ADAM9: variants seen among roughly 807,000 people sequenced by gnomAD.
ADAM9 encodes ADAM metallopeptidase domain 9.
Under a neutral mutation model 108.1 loss-of-function variants are expected in ADAM9, and 54 were observed. That is an observed-to-expected ratio of 0.50 (90% CI 0.40 to 0.63). ADAM9 has a LOEUF of 0.63. Ranked by LOEUF, ADAM9 falls within the 20% of genes least tolerant of loss-of-function variation. ADAM9 has a pLI of 0.00. For missense variants in ADAM9, 830 were observed against 997.7 expected, an observed-to-expected ratio of 0.83 and a Z score of 2.26; for synonymous variants, 316 against 336.0, an observed-to-expected ratio of 0.94 and a Z score of 0.65.
At chr8:39,053,059 T>G (rs1485203933) in intron 12 of ADAM9, among the ~76,000 whole-genome samples, 3 of 152,170 alleles carry the variant, frequency 2.0e-5, no homozygotes, top group African/African-American at 7.2e-5. Flanking sequence ...TCATTGAGGT[T>G]TTAATTTGCA....
At chr8:39,089,880 A>C (rs1234918143) in intron 18 of ADAM9, 167 bp from the exon 19 acceptor site, 20 of 720,114 alleles carry the variant, frequency 2.8e-5, no homozygotes. Context: ...TGAAGGCAGA[A>C]GTAAAGCGGA....
chr8:39,026,167 A>G (rs1309381117), intron 10 of ADAM9, among the ~76,000 whole-genome samples: 1 of 152,192 alleles, frequency 6.6e-6, no homozygotes, highest in Non-Finnish European at 1.5e-5. Context: ...TACATGTGCC[A>G]TGGTGGTTTG....
intron 11 of ADAM9, among the ~76,000 whole-genome samples, chr8:39,038,729 C>G (rs1260346976): frequency 2.6e-5 from 4 of 151,948 alleles, no homozygotes; most frequent in African/African-American, 9.7e-5. Context: ...ATTGATATTG[C>G]ACAAAAGGAC....
intron 5 of ADAM9, 93 bp from the exon 6 acceptor site, chr8:39,017,126 C>A: frequency 7.6e-7 from 1 of 1,315,498 alleles, no homozygotes. Context: ...TGCCTACTTA[C>A]ACATTTAAGA....
intron 3 of ADAM9, among the ~76,000 whole-genome samples, chr8:39,012,758 G>C (rs1564234597): frequency 6.6e-6 from 1 of 152,084 alleles, no homozygotes; most frequent in African/African-American, 2.4e-5. Context: ...AGAACACTTG[G>C]ACACAGGAAG....
At chr8:39,063,805 CT>C (rs1350410058) in intron 14 of ADAM9, among the ~76,000 whole-genome samples, 1 of 152,192 alleles carries the variant, frequency 6.6e-6, no homozygotes, top group African/African-American at 2.4e-5. Context: ...CTCATTTCAA[CT>C]TTCAAGATCC....
intron 14 of ADAM9, among the ~76,000 whole-genome samples, chr8:39,057,234 C>T (rs983142257): frequency 6.6e-6 from 1 of 151,786 alleles, no homozygotes; most frequent in African/African-American, 2.4e-5. Flanking sequence ...ACAAAATCAC[C>T]TAACAACTCA....
intron 14 of ADAM9, among the ~76,000 whole-genome samples, chr8:39,057,333 A>C (rs1256122332): frequency 6.7e-6 from 1 of 148,900 alleles, no homozygotes; most frequent in Non-Finnish European, 1.5e-5. Context: ...CGTGAATCTA[A>C]TATTTATATA....
At position 39,103,592 on chromosome 8, in the gene ADAM9, C is replaced by A. The variant is rs1386555778; in HGVS notation, c.2367-15C>A. 6.2e-7 allele frequency: 1 copy of A among 1,612,450 alleles called. No individual in the cohort carries two copies. Among genetic ancestry groups the A allele is most frequent in the Non-Finnish European group, 8.5e-7 (1 of 1,178,606 alleles). On this transcript the variant is annotated splice_polypyrimidine_tract_variant and intron_variant, in intron 21 of 21. Coordinates refer to ENST00000487273, the MANE Select transcript of ADAM9 (RefSeq NM_003816.3). Reference sequence around the variant, plus strand: ...AGTCTAAACACTCTATTAACTATCTCTTTTCCCCTCGCAGGCCACCTCCAC... The same window carrying A: ...AGTCTAAACACTCTATTAACTATCTATTTTCCCCTCGCAGGCCACCTCCAC...
chr8:39,101,733 C>A, intron 20 of ADAM9, 130 bp from the exon 21 acceptor site: 1 of 804,246 alleles, frequency 1.2e-6, no homozygotes. Context: ...TCTTCTGGTT[C>A]TAAGCATTTC....
rs1040176723 is a variant in ADAM9 at position 39,000,051 on chromosome 8, G to C, written c.97+2891G>C. Among the ~76,000 whole-genome samples, 7 of 151,882 alleles carry C rather than the reference G, an allele frequency of 4.6e-5. No individual in the cohort carries two copies. The South Asian group carries it at 1.5e-3, about 32-fold the overall frequency. On this transcript the variant is annotated intron_variant, in intron 1 of 21. Transcript: ENST00000487273. ...ACAGTCTTTTTTTTTTTGAGATGGA[G>C]TCTTGCTGTGTCGCCCAGGCTGGAG...
intron 9 of ADAM9, among the ~76,000 whole-genome samples, chr8:39,024,145 C>T (rs1836845831): frequency 6.6e-6 from 1 of 152,188 alleles, no homozygotes; most frequent in Admixed American, 6.5e-5. Flanking sequence ...ATTCTGATTC[C>T]TGACCTTTTG....
intron 1 of ADAM9, among the ~76,000 whole-genome samples, chr8:39,002,563 C>A (rs374709797): frequency 6.6e-6 from 1 of 151,798 alleles, no homozygotes; most frequent in East Asian, 1.9e-4. Flanking sequence ...CCTCGTGATC[C>A]GCCTGCCTCG....
chr8:39,000,243 C>T (rs375938183), intron 1 of ADAM9, among the ~76,000 whole-genome samples: 27 of 152,266 alleles, frequency 1.8e-4, no homozygotes, highest in South Asian at 6.2e-4. Context: ...CCGCCCACCT[C>T]AGCCTCCCAA....
rs1438993134 is a variant in ADAM9, at chr8:39,009,906, G to T, written c.196-1752G>T. Among the ~76,000 whole-genome samples, 25 of 55,516 alleles carry T rather than the reference G, an allele frequency of 4.5e-4. 1 individual carries two copies. The Admixed American group carries it at 4.9e-3, about 11-fold the overall frequency. The allele number at this position is 55,516 out of a possible 152,430, so 36.4% of individuals were successfully genotyped here. On this transcript the variant is annotated intron_variant, in intron 2 of 21. Transcript: ENST00000487273. The stretch of plus-strand genomic sequence containing the variant: ...TTGCATTCTAGTGATGGGGGGGGGG[G>T]GCAGGGAGAGAGAGAGAGAGAGAGA...
chr8:39,061,986 A>C (rs1266490806), intron 14 of ADAM9, among the ~76,000 whole-genome samples: 1 of 152,182 alleles, frequency 6.6e-6, no homozygotes, highest in African/African-American at 2.4e-5. Flanking sequence ...TCAAAGTGCC[A>C]GTCAATTTGG....
chr8:39,040,171 T>G (rs554544161), intron 11 of ADAM9, among the ~76,000 whole-genome samples: 2 of 152,236 alleles, frequency 1.3e-5, no homozygotes, highest in Middle Eastern at 6.8e-3. Context: ...TACCTCAGCC[T>G]CCCAAGTAGC....
At chr8:39,038,662 A>G (rs1837359846) in intron 11 of ADAM9, among the ~76,000 whole-genome samples, 1 of 152,230 alleles carries the variant, frequency 6.6e-6, no homozygotes, top group Admixed American at 6.5e-5. Context: ...CCTTGCACCA[A>G]GAAGAATGCC....
At chr8:39,063,068 T>C (rs1299182629) in intron 14 of ADAM9, among the ~76,000 whole-genome samples, 1 of 152,218 alleles carries the variant, frequency 6.6e-6, no homozygotes, top group Non-Finnish European at 1.5e-5. Context: ...TCGTGAGTCC[T>C]CACCAATGAA....
Sources: gnomAD v4.1 joint callset for allele counts (sites outside exome capture counted in the v4.1 genomes callset) on GRCh38, gnomAD v4.1.1 for gene constraint, MANE v1.5 for transcripts, NCBI Gene and HGNC (gene_info 2026-07-23, HGNC 2026-07-21) for gene names.